CACHD1: variants seen among roughly 807,000 people sequenced by gnomAD.
CACHD1 encodes cache domain containing 1.
In CACHD1, 71 loss-of-function variants were observed where a neutral mutation model predicts 138.7. The ratio of observed to expected loss-of-function variants is 0.51; its 90% CI spans 0.42 to 0.62. CACHD1 has a LOEUF of 0.62. Ranked by LOEUF, CACHD1 falls within the 20% of genes least tolerant of loss-of-function variation. The pLI, the probability that CACHD1 is intolerant of heterozygous loss-of-function variation, is 0.00. For synonymous variants in CACHD1, 578 were observed against 591.5 expected (o/e 0.98, Z 0.33); for missense variants, 1,389 against 1,625.3 (o/e 0.85, Z 2.50).
intron 1 of CACHD1, chr1:64,506,360 C>T (rs1217320989): frequency 6.6e-6 from 1 of 152,218 alleles, no homozygotes; most frequent in Non-Finnish European, 1.5e-5. Context: ...ATACTCTTAC[C>T]TGCGTTATCT....
chr1:64,573,026 A>G (rs1200208684), intron 2 of CACHD1, among the ~76,000 whole-genome samples: 1 of 152,194 alleles, frequency 6.6e-6, no homozygotes, highest in Admixed American at 6.5e-5. Context: ...GAGCAGCCAT[A>G]TCATGACAGC....
intron 1 of CACHD1, among the ~76,000 whole-genome samples, chr1:64,477,584 GATTATT>G (rs10701038): frequency 0.012 from 1,684 of 136,070 alleles, 18 homozygotes; most frequent in South Asian, 0.044. Flanking sequence ...CTTCCCCCCA[GATTATT>G]ATTATTATTA....
chr1:64,543,967 G>C (rs1013909095), intron 1 of CACHD1, among the ~76,000 whole-genome samples: 19 of 139,876 alleles, frequency 1.4e-4, no homozygotes, highest in South Asian at 9.4e-4. Flanking sequence ...TTACAGGCAT[G>C]AGTCACCACA....
At chr1:64,619,385 G>A (rs1647828348) in intron 4 of CACHD1, among the ~76,000 whole-genome samples, 1 of 152,140 alleles carries the variant, frequency 6.6e-6, no homozygotes, top group Non-Finnish European at 1.5e-5. Flanking sequence ...AAAATTGTGG[G>A]GGTTTGCTTA....
At chr1:64,539,634 A>G (rs1174158535) in intron 1 of CACHD1, among the ~76,000 whole-genome samples, 1 of 152,214 alleles carries the variant, frequency 6.6e-6, no homozygotes, top group Non-Finnish European at 1.5e-5. Context: ...GTTGAGGCCA[A>G]TGGGGCTAGA....
intron 4 of CACHD1, among the ~76,000 whole-genome samples, chr1:64,628,542 A>T (rs1421857884): frequency 6.6e-6 from 1 of 152,186 alleles, no homozygotes; most frequent in Non-Finnish European, 1.5e-5. Flanking sequence ...AGGATTGCAC[A>T]CAACAAGGTG....
At chr1:64,635,875 G>A (rs1373646201) in intron 7 of CACHD1, among the ~76,000 whole-genome samples, 1 of 151,764 alleles carries the variant, frequency 6.6e-6, no homozygotes, top group Admixed American at 6.6e-5. Context: ...CCTTTGGGAG[G>A]CTGAGGTGGG....
At chr1:64,548,688 A>C (rs1394413883) in intron 1 of CACHD1, among the ~76,000 whole-genome samples, 1 of 152,230 alleles carries the variant, frequency 6.6e-6, no homozygotes, top group Non-Finnish European at 1.5e-5. Context: ...ATCTGCATCA[A>C]AATGTATAAA....
chr1:64,496,705 A>C (rs951413581), intron 1 of CACHD1, among the ~76,000 whole-genome samples: 4 of 152,096 alleles, frequency 2.6e-5, no homozygotes, highest in African/African-American at 9.7e-5. Flanking sequence ...AGGTGAAGTG[A>C]GTCAAAGTCT....
intron 2 of CACHD1, among the ~76,000 whole-genome samples, chr1:64,572,732 C>T (rs1461256919): frequency 6.6e-6 from 1 of 152,316 alleles, no homozygotes; most frequent in East Asian, 1.9e-4. Flanking sequence ...AGGGGCCCCA[C>T]CTCTCGCAGG....
intron 16 of CACHD1, 132 bp downstream of exon 16, chr1:64,666,299 T>A (rs1649631158): frequency 7.5e-6 from 4 of 530,264 alleles, no homozygotes; most frequent in Non-Finnish European, 1.3e-5. Context: ...AGCTGGGATT[T>A]GAACATCTTC....
intron 4 of CACHD1, among the ~76,000 whole-genome samples, chr1:64,615,625 CT>C (rs1647682527): frequency 6.6e-6 from 1 of 152,136 alleles, no homozygotes; most frequent in Non-Finnish European, 1.5e-5. Flanking sequence ...TTTTGTTGTG[CT>C]TTTGTTTCCT....
At chr1:64,625,262 G>T (rs1648054729) in intron 4 of CACHD1, among the ~76,000 whole-genome samples, 1 of 152,196 alleles carries the variant, frequency 6.6e-6, no homozygotes, top group Non-Finnish European at 1.5e-5. Context: ...CATTTGGACA[G>T]AAAGAGTGGA....
intron 1 of CACHD1, among the ~76,000 whole-genome samples, chr1:64,548,927 C>G (rs1315970491): frequency 2.0e-5 from 3 of 152,134 alleles, no homozygotes; most frequent in Non-Finnish European, 4.4e-5. Flanking sequence ...GTAAAGCAAT[C>G]AGGTAGCAAA....
At chr1:64,483,121 T>C (rs1646220564) in intron 1 of CACHD1, among the ~76,000 whole-genome samples, 1 of 152,178 alleles carries the variant, frequency 6.6e-6, no homozygotes, top group Admixed American at 6.5e-5. Context: ...CTACTAAAGA[T>C]TAAGAATGTT....
chr1:64,492,685 C>T lies in CACHD1; in HGVS notation c.198+21743C>T, dbSNP rs146163020. 3.0e-3 allele frequency among the ~76,000 whole-genome samples: 458 copies of T among 152,206 alleles called. 3 individuals carry two copies. Among genetic ancestry groups the T allele is most frequent in the African/African-American group, 0.011 (444 of 41,560 alleles). On this transcript the variant is annotated intron_variant, in intron 1 of 26. Transcript: ENST00000651257. ...TTAACGTCAGTGTAAAAGACAGCAC[C>T]GCCACTGGGACTGCCTGGGCTTCCT... is the stretch of plus-strand genomic sequence containing the variant.
intron 7 of CACHD1, among the ~76,000 whole-genome samples, chr1:64,636,531 T>G (rs1449777156): frequency 1.3e-5 from 2 of 152,312 alleles, no homozygotes; most frequent in East Asian, 3.9e-4. Context: ...TTGTTCATGC[T>G]AAGGTTCATT....
At chr1:64,540,652 G>A (rs928954685) in intron 1 of CACHD1, among the ~76,000 whole-genome samples, 1 of 152,070 alleles carries the variant, frequency 6.6e-6, no homozygotes, top group Admixed American at 6.6e-5. Context: ...TTACTCACCC[G>A]CTCTCCTGGT....
chr1:64,566,354 A>G (rs17126687), intron 2 of CACHD1, among the ~76,000 whole-genome samples: 91,083 of 152,080 alleles, frequency 0.6, 30,027 homozygotes, highest in Non-Finnish European at 0.72. Flanking sequence ...ACTCTTCCAG[A>G]TTTACTGACA....
Sources: gnomAD v4.1 joint callset for allele counts (sites outside exome capture counted in the v4.1 genomes callset) on GRCh38, gnomAD v4.1.1 for gene constraint, MANE v1.5 for transcripts, NCBI Gene and HGNC (gene_info 2026-07-23, HGNC 2026-07-21) for gene names.